Variants in LDLRAP1 observed in about 807,000 individuals in gnomAD.
The protein encoded by LDLRAP1 is low density lipoprotein receptor adapter protein 1.
LDLRAP1 carries 30 observed loss-of-function variants against 37.8 expected under a neutral mutation model. The observed-to-expected ratio is 0.79, with a 90% CI of 0.59 to 1.08. LDLRAP1 has a LOEUF of 1.08. Among genes scored for constraint, LDLRAP1 ranks in the 50% least tolerant of loss-of-function variants. The probability of loss-of-function intolerance (pLI) is 0.00; values close to 1 mark genes in which losing one functional copy is unlikely to be tolerated. For synonymous variants in LDLRAP1, 156 were observed against 169.8 expected (o/e 0.92, Z 0.63); for missense variants, 375 against 401.6 (o/e 0.93, Z 0.57).
chr1:25,569,934 G>A (rs1207273664), downstream of LDLRAP1, among the ~76,000 whole-genome samples: 1 of 152,162 alleles, frequency 6.6e-6, no homozygotes, highest in Non-Finnish European at 1.5e-5. Context: ...TATGCTGCCC[G>A]AGACCACCTG....
chr1:25,582,614 T>G, the LDLRAP1 span, among the ~76,000 whole-genome samples: 1 of 151,964 alleles, frequency 6.6e-6, no homozygotes, highest in Non-Finnish European at 1.5e-5. Context: ...CATTTTGACT[T>G]TTTAAAGTAT....
chr1:25,574,010 A>T, the LDLRAP1 span, among the ~76,000 whole-genome samples: 2 of 152,234 alleles, frequency 1.3e-5, no homozygotes, highest in Non-Finnish European at 2.9e-5. Context: ...CTCCAAAGGA[A>T]AAAGGGCGGT....
chr1:25,557,246 C>T lies in LDLRAP1; in HGVS notation c.438C>T (p.Phe146=). 1 of 1,614,094 alleles carries T rather than the reference C, an allele frequency of 6.2e-7. No individual in the cohort carries two copies. Among genetic ancestry groups the T allele is most frequent in the Non-Finnish European group, 8.5e-7 (1 of 1,179,922 alleles). The change falls in exon 4 of 9, where the codon TTC becomes TTT. Residue 146 remains phenylalanine (F), a synonymous_variant. Transcript: ENST00000374338. ...QHNQSLECHA[F]LCTKRKMAQA... ...ACCAGAGCCTCGAGTGCCACGCCTT[C>T]CTCTGCACCAAGCGGAAGATGGTCA...
chr1:25,561,751 G>A (rs773158056), intron 4 of LDLRAP1, among the ~76,000 whole-genome samples: 13 of 152,224 alleles, frequency 8.5e-5, no homozygotes, highest in Non-Finnish European at 1.8e-4. Flanking sequence ...TCAGGTGAAT[G>A]TAATTCACCC....
chr1:25,590,100 T>TAAATAA, the LDLRAP1 span: 48 of 152,398 alleles, frequency 3.1e-4, no homozygotes, highest in African/African-American at 1.1e-3. Flanking sequence ...AGACTCCGTC[T>TAAATAA]CTAAATAAAT....
At chr1:25,574,797 A>G in the LDLRAP1 span, among the ~76,000 whole-genome samples, 2 of 152,064 alleles carry the variant, frequency 1.3e-5, no homozygotes, top group African/African-American at 4.8e-5. Context: ...AGGTCTGTAC[A>G]TGAGTCAAGG....
At chr1:25,556,241 A>T (rs1381473567) in intron 3 of LDLRAP1, among the ~76,000 whole-genome samples, 1 of 152,058 alleles carries the variant, frequency 6.6e-6, no homozygotes, top group Non-Finnish European at 1.5e-5. Context: ...CCTCTGGGCT[A>T]CCGGCCCCTC....
chr1:25,565,742 G>A (rs537093277), intron 8 of LDLRAP1, among the ~76,000 whole-genome samples: 1 of 152,288 alleles, frequency 6.6e-6, no homozygotes, highest in East Asian at 1.9e-4. Context: ...CTGCAGCTTG[G>A]GGACATGCCA....
intron 8 of LDLRAP1, among the ~76,000 whole-genome samples, chr1:25,565,468 G>A (rs56214942): frequency 0.48 from 73,140 of 151,650 alleles, 17,763 homozygotes; most frequent in South Asian, 0.55. Context: ...CTCTGCCGCA[G>A]TCTGAGGTGA....
the LDLRAP1 span, among the ~76,000 whole-genome samples, chr1:25,586,610 G>T: frequency 6.6e-6 from 1 of 151,992 alleles, no homozygotes; most frequent in African/African-American, 2.4e-5. This position sits in a 1 kb window ranked among gnomAD's most constrained non-coding sequence, Gnocchi z 4.3. Flanking sequence ...ATGTGTTTTG[G>T]GTCAGGGAGG....
chr1:25,560,415 T>A (rs942483490), intron 4 of LDLRAP1, among the ~76,000 whole-genome samples: 6 of 151,858 alleles, frequency 4.0e-5, no homozygotes, highest in African/African-American at 1.5e-4. Context: ...ACCCCAGGTC[T>A]CCCCTCCCTG....
At chr1:25,578,821 G>A in the LDLRAP1 span, among the ~76,000 whole-genome samples, 1 of 152,072 alleles carries the variant, frequency 6.6e-6, no homozygotes, top group Non-Finnish European at 1.5e-5. Context: ...CCTGGTGTGG[G>A]GCCATTTATC....
downstream of LDLRAP1, among the ~76,000 whole-genome samples, chr1:25,570,712 A>C (rs1343785525): frequency 2.0e-5 from 3 of 152,072 alleles, no homozygotes; most frequent in Non-Finnish European, 4.4e-5. Flanking sequence ...ACAAAAAATT[A>C]GCCAGGCGTG....
At chr1:25,585,175 T>C in the LDLRAP1 span, among the ~76,000 whole-genome samples, 2 of 152,194 alleles carry the variant, frequency 1.3e-5, no homozygotes, top group Non-Finnish European at 2.9e-5. Flanking sequence ...TTTCTGTTTA[T>C]GCATTTCTTA....
intron 8 of LDLRAP1, among the ~76,000 whole-genome samples, chr1:25,566,619 T>C (rs2044487328): frequency 6.7e-6 from 1 of 148,598 alleles, no homozygotes; most frequent in African/African-American, 2.5e-5. Context: ...GAGTGGGTGC[T>C]CTGGCCTCTC....
In LDLRAP1 at chr1:25,563,139, C is replaced by G. The variant is rs763453548; in HGVS notation, c.602C>G (p.Pro201Arg). The G allele has an allele frequency of 4.0e-5, 65 of 1,613,668 alleles. No individual in the cohort carries two copies. The highest frequency in any genetic ancestry group is 6.7e-5 in the Admixed American group (4 of 59,998). ...CTGGGGGCCCGCCAAGACTGCACCC[C>G]CTCCTTGAAGAGCTGTGAGTCCTGA... ...DVLGARQDCTPSLKSLVATGN... is the reference protein window; with the variant it reads ...DVLGARQDCTRSLKSLVATGN... The change falls in exon 6 of 9, where the codon CCC (proline) becomes CGC (arginine). Residue 201 changes from proline (P) to arginine (R), a missense_variant. Transcript: ENST00000374338.
the LDLRAP1 span, among the ~76,000 whole-genome samples, chr1:25,573,942 G>A: frequency 2.1e-4 from 32 of 152,310 alleles, no homozygotes; most frequent in South Asian, 8.3e-4. Flanking sequence ...TGGAGCTGAC[G>A]CTCCCCCAAA....
chr1:25,552,836 C>T (rs533511234), intron 1 of LDLRAP1, among the ~76,000 whole-genome samples: 7 of 152,318 alleles, frequency 4.6e-5, no homozygotes, highest in South Asian at 2.1e-4. Context: ...GCAGGCTCAT[C>T]CCCTTATTTC....
At chr1:25,570,935 C>G (rs919527702), downstream of LDLRAP1, among the ~76,000 whole-genome samples, 9 of 152,204 alleles carry the variant, frequency 5.9e-5, no homozygotes, top group Non-Finnish European at 1.2e-4. Flanking sequence ...CTAGTCCTTG[C>G]AACCTCACAT....
Sources: allele counts gnomAD v4.1 joint callset (sites outside exome capture counted in the v4.1 genomes callset), GRCh38; gene constraint gnomAD v4.1.1; non-coding constraint Gnocchi (gnomAD v3.1); transcripts MANE v1.5; gene names NCBI Gene and HGNC (gene_info 2026-07-23, HGNC 2026-07-21).